ABHD12B: variants seen among roughly 807,000 people sequenced by gnomAD.
ABHD12B encodes the protein abhydrolase domain containing 12B.
In ABHD12B, 42 loss-of-function variants were observed where a neutral mutation model predicts 50.4. That is an observed-to-expected ratio of 0.83 (90% confidence interval 0.65 to 1.08). The LOEUF (loss-of-function observed/expected upper bound fraction) is 1.08. Among genes scored for constraint, ABHD12B ranks in the 50% least tolerant of loss-of-function variants. ABHD12B has a pLI of 0.00. For missense variants in ABHD12B, 479 were observed against 447.7 expected, an observed-to-expected ratio of 1.07 and a Z score of -0.63; for synonymous variants, 167 against 160.3, an observed-to-expected ratio of 1.04 and a Z score of -0.32.
chr14:50,882,665 C>T (rs533710224), intron 5 of ABHD12B, among the ~76,000 whole-genome samples: 2 of 151,378 alleles, frequency 1.3e-5, no homozygotes, highest in South Asian at 4.2e-4. Flanking sequence ...CAGGCATGAG[C>T]CACCGCGCCC....
chr14:50,885,861 C>T lies in ABHD12B; in HGVS notation c.628C>T (p.Pro210Ser). Reference protein sequence around the residue: ...EWTKARSGITPVCLWGHSLGT... With the variant: ...EWTKARSGITSVCLWGHSLGT... The stretch of plus-strand genomic sequence containing the variant: ...GACCAAGGCAAGAAGTGGCATCACT[C>T]CCGTGTGTCTCTGGGGCCACTCTCT... Residue 210 changes from proline to serine, a missense_variant, in exon 7 of 13, where the codon CCC becomes TCC. By Grantham distance (74) the Pro-to-Ser change is moderately conservative. Coordinates refer to ENST00000337334, the MANE Select transcript of ABHD12B (RefSeq NM_001206673.2). The T allele has an allele frequency of 6.2e-7, 1 of 1,614,116 alleles. No homozygotes were observed. The highest frequency in any genetic ancestry group is 1.7e-5 in the Admixed American group (1 of 60,014).
rs1266072784 is a variant in ABHD12B at position 50,885,519 on chromosome 14, C to G, written c.487-95C>G. ...AAGTTAAAATTACCTTTGAAAGAGC[C>G]CTCCTTGTGATGTGATATGGATGGA... On this transcript the variant is annotated intron_variant, in intron 5 of 12. Transcript: ENST00000337334. 5.0e-6 allele frequency: 7 copies of G among 1,406,256 alleles called. No individual in the cohort carries two copies. In the South Asian group the frequency reaches 8.3e-5, roughly 17 times the overall value. 87.1% of individuals were successfully genotyped at this position (1,406,256 alleles called of 1,614,324 possible). A position where few individuals can be genotyped will look rare whatever the true frequency, so the allele number is the denominator to read the frequency against.
In ABHD12B at chr14:50,901,846, A is replaced by G. The variant is rs1419813499; in HGVS notation, c.798A>G (p.Pro266=). ...YPLLKIYRNI[P]GFLRTLMDAL... Reference sequence around the variant, plus strand: ...AAAAATAGATTTACCGGAACATTCCAGGATTTTTACGTACACTTATGGATG... The same window carrying G: ...AAAAATAGATTTACCGGAACATTCCGGGATTTTTACGTACACTTATGGATG... Residue 266 remains proline (P), a synonymous_variant, in exon 10 of 13, where the codon CCA becomes CCG. Coordinates refer to ENST00000337334, the MANE Select transcript of ABHD12B (RefSeq NM_001206673.2). The G allele has an allele frequency of 2.5e-6, 4 of 1,593,576 alleles. No individual in the cohort carries two copies. The highest frequency in any genetic ancestry group is 4.5e-5 in the East Asian group (2 of 44,554).
At chr14:50,895,330 T>A (rs1180145974) in intron 9 of ABHD12B, among the ~76,000 whole-genome samples, 1 of 151,750 alleles carries the variant, frequency 6.6e-6, no homozygotes, top group Non-Finnish European at 1.5e-5. Context: ...TTGCAATTCC[T>A]TGCCTCCACT....
chr14:50,885,042 T>A (rs560212650), intron 5 of ABHD12B, among the ~76,000 whole-genome samples: 1 of 152,320 alleles, frequency 6.6e-6, no homozygotes, highest in Non-Finnish European at 1.5e-5. Context: ...ACTATTATTG[T>A]TTCTCACTTT....
intron 5 of ABHD12B, among the ~76,000 whole-genome samples, chr14:50,884,180 A>G (rs1260957088): frequency 3.9e-5 from 6 of 152,200 alleles, no homozygotes. Context: ...AACTATAAGC[A>G]TCTAGATTTT....
chr14:50,894,343 C>CTG (rs2050163946), intron 9 of ABHD12B, among the ~76,000 whole-genome samples: 1 of 152,064 alleles, frequency 6.6e-6, no homozygotes, highest in Non-Finnish European at 1.5e-5. Flanking sequence ...TCCCTTATTT[C>CTG]CGTGCCCCAA....
chr14:50,886,264 C>T (rs1278984836), intron 7 of ABHD12B, among the ~76,000 whole-genome samples: 1 of 151,836 alleles, frequency 6.6e-6, no homozygotes, highest in Non-Finnish European at 1.5e-5. Flanking sequence ...ATGGCCAAAC[C>T]CCATCTTTAC....
Position 50,883,239 on chromosome 14 carries a change from C to G in ABHD12B, c.486+1613C>G, listed in dbSNP as rs534787413. 2.0e-5 allele frequency among the ~76,000 whole-genome samples: 3 copies of G among 152,322 alleles called. No individual in the cohort carries two copies. The South Asian group carries it at 6.2e-4, about 32-fold the overall frequency. The stretch of plus-strand genomic sequence containing the variant: ...GCTGCTGGTGACCGGCTGGTGACCA[C>G]AGGGACTTGGTCTCTCCTCCCACAT... On this transcript the variant is annotated intron_variant, in intron 5 of 12. Coordinates refer to ENST00000337334, the MANE Select transcript of ABHD12B (RefSeq NM_001206673.2).
In ABHD12B at chr14:50,872,069, CGGA is replaced by C; in HGVS notation, c.-97_-95del. The C allele has an allele frequency of 3.6e-6, 3 of 834,562 alleles. No individual in the cohort carries two copies. The highest frequency in any genetic ancestry group is 3.1e-6 in the Non-Finnish European group (2 of 638,952). 51.7% of individuals were successfully genotyped at this position (834,562 alleles called of 1,614,324 possible). On this transcript the variant is annotated 5_prime_UTR_variant, in exon 1 of 13. Transcript: ENST00000337334. ...CGCCGTACCAGCCTGCCTGACCGCG[CGGA>C]GGAGGAGGGCGGGCGCGGTGCCGCC...
At chr14:50,878,465 TA>T (rs2049893325) in intron 2 of ABHD12B, among the ~76,000 whole-genome samples, 1 of 152,256 alleles carries the variant, frequency 6.6e-6, no homozygotes. Context: ...CCACTGCTTT[TA>T]AAAAGCTGGA....
At chr14:50,887,298 C>T (rs544847644) in intron 8 of ABHD12B, among the ~76,000 whole-genome samples, 6 of 144,340 alleles carry the variant, frequency 4.2e-5, no homozygotes, top group Admixed American at 3.5e-4. Flanking sequence ...TTAAATGATA[C>T]ACAGAACTGG....
chr14:50,886,619 A>G, intron 7 of ABHD12B, 28 bp from the exon 8 acceptor site: 2 of 1,602,738 alleles, frequency 1.2e-6, no homozygotes, highest in Non-Finnish European at 1.7e-6. Flanking sequence ...ATTGCTTAAC[A>G]CATGTACTAA....
At chr14:50,889,140 T>C (rs2050083296) in intron 9 of ABHD12B, among the ~76,000 whole-genome samples, 1 of 152,266 alleles carries the variant, frequency 6.6e-6, no homozygotes, top group African/African-American at 2.4e-5. Context: ...TATAATTTTG[T>C]AGTAGATAGA....
At chr14:50,874,902 A>AG (rs1280926005) in intron 1 of ABHD12B, among the ~76,000 whole-genome samples, 1 of 152,262 alleles carries the variant, frequency 6.6e-6, no homozygotes, top group Non-Finnish European at 1.5e-5. Flanking sequence ...AGTAAAAAAA[A>AG]GAAAATGAAG....
At chr14:50,887,799 T>C (rs2050063090) in intron 8 of ABHD12B, among the ~76,000 whole-genome samples, 1 of 152,198 alleles carries the variant, frequency 6.6e-6, no homozygotes. Flanking sequence ...TCCTAGACTG[T>C]AGTTCTTTGA....
Position 50,885,883 on chromosome 14 carries a change from C to G in ABHD12B, c.650C>G (p.Ser217Cys). 6.2e-7 allele frequency: 1 copy of G among 1,614,088 alleles called. No homozygotes were observed. Among genetic ancestry groups the G allele is most frequent in the Non-Finnish European group, 8.5e-7 (1 of 1,180,018 alleles). ...GITPVCLWGH[S>C]LGTGVATNAA... is the part of the protein sequence containing the mutation. ...ACTCCCGTGTGTCTCTGGGGCCACTCTCTGGGTACAGGGTAAGTGAGATCT... is the reference window on the plus strand; with the variant it reads ...ACTCCCGTGTGTCTCTGGGGCCACTGTCTGGGTACAGGGTAAGTGAGATCT... The change falls in exon 7 of 13, where the codon TCT becomes TGT. Residue 217 changes from serine (S) to cysteine (C), a missense_variant. Transcript: ENST00000337334.
rs7157138 is a variant in ABHD12B at position 50,877,759 on chromosome 14, T to A, written c.105-193T>A. On this transcript the variant is annotated intron_variant, in intron 1 of 12. Coordinates refer to ENST00000337334, the MANE Select transcript of ABHD12B (RefSeq NM_001206673.2). ...GTGGGTGCCTGTAATGCCAGCTACTTGGGAGGCTCAGGCAGGAGAATTGCT... is the reference window on the plus strand; with the variant it reads ...GTGGGTGCCTGTAATGCCAGCTACTAGGGAGGCTCAGGCAGGAGAATTGCT... Among the ~76,000 whole-genome samples, 1,048 of 151,086 alleles carry A rather than the reference T, an allele frequency of 6.9e-3. 11 individuals are homozygous for A. Among genetic ancestry groups the A allele is most frequent in the African/African-American group, 0.024 (974 of 41,078 alleles).
rs550121343 is a variant in ABHD12B, at chr14:50,872,061, T to C, written c.-114T>C. 48 of 764,636 alleles carry C rather than the reference T, an allele frequency of 6.3e-5. No homozygotes were observed. The South Asian group carries it at 2.6e-3, about 41-fold the overall frequency. 47.4% of individuals were successfully genotyped at this position (764,636 alleles called of 1,614,324 possible). On this transcript the variant is annotated 5_prime_UTR_variant, in exon 1 of 13. Transcript: ENST00000337334. Reference sequence around the variant, plus strand: ...GTCTCCCCCGCCGTACCAGCCTGCCTGACCGCGCGGAGGAGGAGGGCGGGC... The same window carrying C: ...GTCTCCCCCGCCGTACCAGCCTGCCCGACCGCGCGGAGGAGGAGGGCGGGC...
Sources: allele counts gnomAD v4.1 joint callset (sites outside exome capture counted in the v4.1 genomes callset), GRCh38; gene constraint gnomAD v4.1.1; transcripts MANE v1.5; gene names NCBI Gene and HGNC (gene_info 2026-07-23, HGNC 2026-07-21).